The following NBAS variants were observed in gnomAD, a reference collection of about 807,000 sequenced individuals.
The protein encoded by NBAS is NBAS subunit of NRZ tethering complex.
NBAS carries 219 observed loss-of-function variants against 302.5 expected under a neutral mutation model. The observed-to-expected ratio is 0.72, with a 90% CI of 0.65 to 0.81. The LOEUF (loss-of-function observed/expected upper bound fraction) is 0.81. NBAS is among the 30% of genes least tolerant of loss of function. The pLI is 0.00. For synonymous variants in NBAS, 1,118 were observed against 1,021.6 expected (o/e 1.09, Z -1.80); for missense variants, 2,932 against 2,841.6 (o/e 1.03, Z -0.72).
At chr2:15,359,489 G>A (rs1276744733) in intron 32 of NBAS, among the ~76,000 whole-genome samples, 1 of 152,000 alleles carries the variant, frequency 6.6e-6, no homozygotes, top group African/African-American at 2.4e-5. Context: ...AGTTTCTAGA[G>A]TCTAAAAATA....
At chr2:15,306,941 T>C (rs1034182754) in intron 40 of NBAS, among the ~76,000 whole-genome samples, 11 of 152,220 alleles carry the variant, frequency 7.2e-5, no homozygotes, top group African/African-American at 2.4e-4. Context: ...CAATTCTGTA[T>C]GTAACTGCAA....
intron 28 of NBAS, among the ~76,000 whole-genome samples, chr2:15,387,337 G>A (rs1675354746): frequency 6.6e-6 from 1 of 152,134 alleles, no homozygotes; most frequent in African/African-American, 2.4e-5. Flanking sequence ...AAAGTGCTGG[G>A]ATTACAGGCG....
At chr2:14,874,573 G>C in the NBAS span, among the ~76,000 whole-genome samples, 1 of 151,116 alleles carries the variant, frequency 6.6e-6, no homozygotes, top group South Asian at 2.1e-4. Flanking sequence ...CCGGGAGGTG[G>C]AGCTTGCAGT....
At chr2:15,304,765 G>C (rs1027032558) in intron 40 of NBAS, among the ~76,000 whole-genome samples, 1 of 152,212 alleles carries the variant, frequency 6.6e-6, no homozygotes, top group African/African-American at 2.4e-5. Context: ...GCTTGAGAGA[G>C]ATGATTTAGG....
chr2:15,275,397 GAAACAA>G (rs1399253009), intron 44 of NBAS, 81 bp downstream of exon 44: 2 of 1,372,398 alleles, frequency 1.5e-6, no homozygotes, highest in Non-Finnish European at 9.9e-7. Context: ...TTCAAGAAAG[GAAACAA>G]AAATAAAATC....
chr2:15,390,731 G>C (rs750950766), intron 28 of NBAS, among the ~76,000 whole-genome samples: 5 of 151,948 alleles, frequency 3.3e-5, no homozygotes, highest in Non-Finnish European at 7.4e-5. Flanking sequence ...TATAAAATAA[G>C]ACTTAATTTT....
chr2:15,357,852 C>A (rs1673700606), intron 32 of NBAS, among the ~76,000 whole-genome samples: 1 of 152,140 alleles, frequency 6.6e-6, no homozygotes, highest in Non-Finnish European at 1.5e-5. Flanking sequence ...TCTTGTCCGA[C>A]TGATCACAAA....
At chr2:15,341,603 A>G (rs1672856490) in intron 35 of NBAS, among the ~76,000 whole-genome samples, 1 of 152,158 alleles carries the variant, frequency 6.6e-6, no homozygotes, top group Non-Finnish European at 1.5e-5. Flanking sequence ...TTATTTTAAA[A>G]TATAAAAAAT....
chr2:15,187,009 G>A (rs1474133725), intron 49 of NBAS, 129 bp from the exon 50 acceptor site: 2 of 1,330,226 alleles, frequency 1.5e-6, no homozygotes, highest in African/African-American at 2.9e-5. Context: ...GCTGCTTCAA[G>A]TCAACCTTGT....
At chr2:14,847,880 G>A in the NBAS span, among the ~76,000 whole-genome samples, 1 of 152,150 alleles carries the variant, frequency 6.6e-6, no homozygotes, top group Non-Finnish European at 1.5e-5. Context: ...CATATGTTAG[G>A]TCACAAAACA....
chr2:14,892,455 C>A, the NBAS span, among the ~76,000 whole-genome samples: 1 of 152,180 alleles, frequency 6.6e-6, no homozygotes, highest in African/African-American at 2.4e-5. Context: ...TCTTCCCTGT[C>A]CGACAACTAA....
At chr2:15,177,601 G>C (rs1303945612) in intron 51 of NBAS, among the ~76,000 whole-genome samples, 1 of 152,082 alleles carries the variant, frequency 6.6e-6, no homozygotes, top group Non-Finnish European at 1.5e-5. Flanking sequence ...AAATTTTTGT[G>C]AGAATGCCTA....
chr2:15,064,447 T>A, the NBAS span, among the ~76,000 whole-genome samples: 1 of 151,934 alleles, frequency 6.6e-6, no homozygotes, highest in South Asian at 2.1e-4. Context: ...AAACATATAA[T>A]CTACCAAGAC....
the NBAS span, among the ~76,000 whole-genome samples, chr2:14,783,217 C>A: frequency 6.6e-6 from 1 of 151,984 alleles, no homozygotes; most frequent in African/African-American, 2.4e-5. Context: ...AACTAGTCAC[C>A]CTGTTGTGAC....
the NBAS span, among the ~76,000 whole-genome samples, chr2:14,948,504 T>C: frequency 6.6e-6 from 1 of 151,894 alleles, no homozygotes. Context: ...TTACAATAGC[T>C]ACAAATAATA....
chr2:15,140,509 C>T, the NBAS span, among the ~76,000 whole-genome samples: 118 of 152,372 alleles, frequency 7.7e-4, no homozygotes, highest in Middle Eastern at 3.4e-3. Context: ...TTATGCTTCT[C>T]ATTTGCAAAT....
chr2:15,127,315 T>C, the NBAS span, among the ~76,000 whole-genome samples: 1 of 152,228 alleles, frequency 6.6e-6, no homozygotes, highest in Non-Finnish European at 1.5e-5. Context: ...ATCTGTATAA[T>C]AATTTTCCAC....
At chr2:15,283,179 G>C (rs1334866807) in intron 42 of NBAS, among the ~76,000 whole-genome samples, 2 of 152,180 alleles carry the variant, frequency 1.3e-5, no homozygotes, top group African/African-American at 4.8e-5. Context: ...ATGAATAAAT[G>C]TGGTACTATT....
rs1190674847 is a variant in NBAS at position 15,396,449 on chromosome 2, A to G, written c.3098T>C (p.Leu1033Pro). Residue 1033 changes from leucine to proline, a missense_variant, in exon 27 of 52, where the codon CTT becomes CCT. Leu to Pro is a moderately conservative substitution (Grantham distance 98, BLOSUM62 -3). Transcript: ENST00000281513. Reference protein sequence around the residue: ...YGDKTEATTKLHDMVDQLEQI... With the variant: ...YGDKTEATTKPHDMVDQLEQI... ...TTCCAGTTGGTCTACCATGTCATGA[A>G]GCTTTGTGGTTGCCTCTGTCTTATC... is the stretch of plus-strand genomic sequence containing the variant. 1 of 1,605,264 alleles carries G rather than the reference A, an allele frequency of 6.2e-7. No individual in the cohort carries two copies. Among genetic ancestry groups the G allele is most frequent in the Non-Finnish European group, 8.5e-7 (1 of 1,176,646 alleles).
Sources: gnomAD v4.1 joint callset for allele counts (sites outside exome capture counted in the v4.1 genomes callset) on GRCh38, gnomAD v4.1.1 for gene constraint, MANE v1.5 for transcripts, NCBI Gene and HGNC (gene_info 2026-07-23, HGNC 2026-07-21) for gene names.